The following PAN3 variants were observed in gnomAD, a reference collection of about 807,000 sequenced individuals.
The protein encoded by PAN3 is PAN2-PAN3 deadenylation complex subunit PAN3.
PAN3 carries 19 observed loss-of-function variants against 96.2 expected under a neutral mutation model. The ratio of observed to expected loss-of-function variants is 0.20; its 90% CI spans 0.14 to 0.29. The LOEUF (loss-of-function observed/expected upper bound fraction) is 0.29. Ranked by LOEUF, PAN3 falls within the 10% of genes least tolerant of loss-of-function variation. The probability of loss-of-function intolerance (pLI) is 1.00; values close to 1 mark genes in which losing one functional copy is unlikely to be tolerated. For synonymous variants in PAN3, 433 were observed against 406.6 expected, an observed-to-expected ratio of 1.06 and a Z score of -0.78; for missense variants, 882 against 1,108.1, an observed-to-expected ratio of 0.80 and a Z score of 2.90.
intron 6 of PAN3, among the ~76,000 whole-genome samples, chr13:28,226,107 T>G (rs1881977824): frequency 1.3e-5 from 2 of 152,240 alleles, no homozygotes; most frequent in Non-Finnish European, 2.9e-5. Flanking sequence ...ATGGTGAATA[T>G]CTAAGCTCAG....
intron 6 of PAN3, among the ~76,000 whole-genome samples, chr13:28,244,922 C>T (rs1884032894): frequency 6.6e-6 from 1 of 152,060 alleles, no homozygotes; most frequent in South Asian, 2.1e-4. Flanking sequence ...GATCTTGGCT[C>T]ACTGCAACCT....
intron 5 of PAN3, among the ~76,000 whole-genome samples, chr13:28,216,048 G>C (rs1210802034): frequency 1.3e-5 from 2 of 152,054 alleles, no homozygotes; most frequent in Non-Finnish European, 2.9e-5. Flanking sequence ...AAAGGAGAAT[G>C]TTTTGTGAAC....
At chr13:28,255,759 CT>C (rs1885089492) in intron 6 of PAN3, among the ~76,000 whole-genome samples, 1 of 148,968 alleles carries the variant, frequency 6.7e-6, no homozygotes, top group Non-Finnish European at 1.5e-5. Context: ...TTTTTTTTTG[CT>C]TTTTCAAACA....
chr13:28,144,214 T>G (rs1362919687), intron 1 of PAN3, among the ~76,000 whole-genome samples: 2 of 137,394 alleles, frequency 1.5e-5, no homozygotes, highest in Non-Finnish European at 1.6e-5. Context: ...TTTTTTTGTT[T>G]TTTTTTTTTT....
chr13:28,255,745 CTT>C (rs898311351), intron 6 of PAN3, among the ~76,000 whole-genome samples: 3 of 143,692 alleles, frequency 2.1e-5, no homozygotes. Context: ...TGTATTTCAA[CTT>C]TTTTTTTTTT....
At chr13:28,241,467 G>T (rs1883657189) in intron 6 of PAN3, among the ~76,000 whole-genome samples, 1 of 152,104 alleles carries the variant, frequency 6.6e-6, no homozygotes, top group African/African-American at 2.4e-5. Flanking sequence ...CTATTAAGAA[G>T]AGCCAGTGAT....
intron 5 of PAN3, among the ~76,000 whole-genome samples, chr13:28,212,544 T>TA (rs1252054688): frequency 2.6e-5 from 4 of 152,142 alleles, no homozygotes; most frequent in South Asian, 2.1e-4. Flanking sequence ...CAGAAATAGT[T>TA]ACGTGAAAAC....
chr13:28,144,903 A>T (rs896889002), intron 1 of PAN3, among the ~76,000 whole-genome samples: 1 of 151,174 alleles, frequency 6.6e-6, no homozygotes, highest in Non-Finnish European at 1.5e-5. Context: ...TATTTTTAGT[A>T]GAGATGGGGT....
At chr13:28,264,050 A>G (rs897298832) in intron 9 of PAN3, among the ~76,000 whole-genome samples, 1 of 152,216 alleles carries the variant, frequency 6.6e-6, no homozygotes, top group South Asian at 2.1e-4. Flanking sequence ...CCTGAATTAC[A>G]GTGCAGTGAA....
chr13:28,246,368 T>C (rs1325475932), intron 6 of PAN3, among the ~76,000 whole-genome samples: 1 of 152,206 alleles, frequency 6.6e-6, no homozygotes, highest in Non-Finnish European at 1.5e-5. Flanking sequence ...TTTTGATACA[T>C]GCATACAATG....
At chr13:28,280,668 T>C in intron 16 of PAN3, 127 bp downstream of exon 16, 1 of 809,774 alleles carries the variant, frequency 1.2e-6, no homozygotes, top group East Asian at 3.0e-5. Context: ...TTCAAGCGAG[T>C]CTCCTGCCTC....
chr13:28,277,409 T>A (rs1887152684), intron 15 of PAN3, 33 bp downstream of exon 15: 1 of 1,581,950 alleles, frequency 6.3e-7, no homozygotes, highest in African/African-American at 1.4e-5. Context: ...TTGTACAGAA[T>A]GATTATTTGC....
intron 14 of PAN3, among the ~76,000 whole-genome samples, chr13:28,275,324 A>T (rs1465013541): frequency 2.0e-5 from 3 of 152,184 alleles, no homozygotes; most frequent in Non-Finnish European, 2.9e-5. Context: ...TTATTTTTTA[A>T]ACCCATCTGG....
At chr13:28,139,258 C>T (rs1470341771) in intron 1 of PAN3, among the ~76,000 whole-genome samples, 171 bp downstream of exon 1, 1 of 151,900 alleles carries the variant, frequency 6.6e-6, no homozygotes, top group East Asian at 1.9e-4. Flanking sequence ...CTTCCTGCTT[C>T]CCCTCCCCAC....
intron 8 of PAN3, 59 bp downstream of exon 8, chr13:28,260,610 G>A (rs1885620388): frequency 2.2e-6 from 3 of 1,338,972 alleles, no homozygotes; most frequent in African/African-American, 1.5e-5. Context: ...TAGTGAACAG[G>A]GGAAAGAACA....
intron 1 of PAN3, among the ~76,000 whole-genome samples, chr13:28,153,299 G>T (rs529595059): frequency 9.7e-5 from 14 of 144,810 alleles, no homozygotes; most frequent in African/African-American, 3.4e-4. Flanking sequence ...GCAATGGCGC[G>T]ATCTCGGCTC....
In PAN3 at chr13:28,197,362, A is replaced by T; in HGVS notation, c.852+16A>T. ...CAATTTACAGGTAAAAATAATTTTTATTAGACATTTCTTGAAAGTGAATGT... is the reference window on the plus strand; with the variant it reads ...CAATTTACAGGTAAAAATAATTTTTTTTAGACATTTCTTGAAAGTGAATGT... On this transcript the variant is annotated intron_variant, in intron 5 of 18. Transcript: ENST00000380958. 3.2e-6 allele frequency: 5 copies of T among 1,556,862 alleles called. No individual in the cohort carries two copies. The highest frequency in any genetic ancestry group is 1.7e-4 in the Middle Eastern group (1 of 5,836).
rs541666314 is a variant in PAN3 at position 28,210,242 on chromosome 13, T to C, written c.853-9989T>C. On this transcript the variant is annotated intron_variant, in intron 5 of 18. Transcript: ENST00000380958. ...ACATGTCTATAATGTCAAGCTGTTA[T>C]GTACAGAGAATTGCTTTATGCTGAG... Among the ~76,000 whole-genome samples, 13 of 152,350 alleles carry C rather than the reference T, an allele frequency of 8.5e-5. No individual in the cohort carries two copies. The South Asian group carries it at 2.3e-3, about 27-fold the overall frequency.
At chr13:28,291,910 T>C (rs138265234) in intron 18 of PAN3, among the ~76,000 whole-genome samples, 13 of 152,320 alleles carry the variant, frequency 8.5e-5, no homozygotes, top group African/African-American at 2.2e-4. Flanking sequence ...TGTACTAAGC[T>C]ATAAAACCAC....
Sources: gnomAD v4.1 joint callset for allele counts (sites outside exome capture counted in the v4.1 genomes callset) on GRCh38, gnomAD v4.1.1 for gene constraint, MANE v1.5 for transcripts, NCBI Gene and HGNC (gene_info 2026-07-23, HGNC 2026-07-21) for gene names.